The following SLFN11 variants were observed in gnomAD, a reference collection of about 807,000 sequenced individuals.
The protein encoded by SLFN11 is schlafen family member 11.
A neutral mutation model predicts 53.4 loss-of-function variants in SLFN11; 43 were observed. The observed-to-expected ratio is 0.80, with a 90% CI of 0.63 to 1.04. SLFN11 has a LOEUF of 1.04. Ranked by LOEUF, SLFN11 falls within the 50% of genes least tolerant of loss-of-function variation. The pLI, the probability that SLFN11 is intolerant of heterozygous loss-of-function variation, is 0.00. For missense variants in SLFN11, 990 were observed against 1,079.1 expected (o/e 0.92, Z 1.16); for synonymous variants, 389 against 394.7 (o/e 0.99, Z 0.17).
Position 35,362,868 on chromosome 17 carries a change from T to C in SLFN11, c.940A>G (p.Met314Val). 1 of 1,614,064 alleles carries C rather than the reference T, an allele frequency of 6.2e-7. No homozygotes were observed. Among genetic ancestry groups the C allele is most frequent in the Non-Finnish European group, 8.5e-7 (1 of 1,179,974 alleles). Reference protein sequence around the residue: ...KRGELYGYACMIRVNPFCCAV... With the variant: ...KRGELYGYACVIRVNPFCCAV... ...CAGCAGAAGGGATTTACTCTGATCA[T>C]GCAAGCATAGCCATAGAGCTCTCCC... The change falls in exon 4 of 7, where the codon ATG (methionine) becomes GTG (valine). Residue 314 changes from methionine (M) to valine (V), a missense_variant. This residue lies in a region of SLFN11 where 521 missense variants were observed against 516.2 expected (regional missense o/e 1.01). Transcript: ENST00000685675.
chr17:35,362,538 G>A (rs187866227), intron 4 of SLFN11, among the ~76,000 whole-genome samples: 1 of 152,190 alleles, frequency 6.6e-6, no homozygotes, highest in East Asian at 1.9e-4. Context: ...TAGAAAATTG[G>A]CCATTTATAG....
chr17:35,354,784 G>A (rs1907253525), intron 5 of SLFN11, among the ~76,000 whole-genome samples: 1 of 152,148 alleles, frequency 6.6e-6, no homozygotes, highest in South Asian at 2.1e-4. Flanking sequence ...TCCAAAGTGG[G>A]AGGGGGAGGA....
At position 35,353,729 on chromosome 17, in the gene SLFN11, A is replaced by C; in HGVS notation, c.1529T>G (p.Val510Gly). Residue 510 changes from valine to glycine, a missense_variant, in exon 6 of 7, where the codon GTC becomes GGC. Around this residue, in one of 3 missense-constraint regions of SLFN11, gnomAD observed 156 missense variants for 241.9 expected, o/e 0.64. Coordinates refer to ENST00000685675, the MANE Select transcript of SLFN11 (RefSeq NM_001376007.1). ...ACTCAGGCAGAGGACCTTGGCCCTG[A>C]CACACACCTTCCCGGTGTAGCCCCC... ...NMGGYTGKVCVRAKVLCLSPE... is the reference protein window; with the variant it reads ...NMGGYTGKVCGRAKVLCLSPE... The C allele has an allele frequency of 6.8e-7, 1 of 1,477,352 alleles. No homozygotes were observed. The highest frequency in any genetic ancestry group is 9.1e-7 in the Non-Finnish European group (1 of 1,100,950). The allele number at this position is 1,477,352 out of a possible 1,614,324, so 91.5% of individuals were successfully genotyped here. A position where few individuals can be genotyped will look rare whatever the true frequency, so the allele number is the denominator to read the frequency against.
rs1014376729 is a variant in SLFN11, at chr17:35,353,666, G to A, written c.1592C>T (p.Ser531Phe). Reference sequence around the variant, plus strand: ...ATAGGACGCAGGGTAATCCATCGGAGACACTGCAGCCTCCAAGGCCTCTGC... The same window carrying A: ...ATAGGACGCAGGGTAATCCATCGGAAACACTGCAGCCTCCAAGGCCTCTGC... ...SSAEALEAAV[S>F]PMDYPASYSL... is the part of the protein sequence containing the mutation. The change falls in exon 6 of 7, where the codon TCT becomes TTT. Residue 531 changes from serine (S) to phenylalanine (F), a missense_variant. This residue lies in a region of SLFN11 where 156 missense variants were observed against 241.9 expected (regional missense o/e 0.64). Coordinates refer to ENST00000685675, the MANE Select transcript of SLFN11 (RefSeq NM_001376007.1). The A allele has an allele frequency of 8.3e-7, 1 of 1,204,752 alleles. No homozygotes were observed. The highest frequency in any genetic ancestry group is 1.7e-5 in the African/African-American group (1 of 58,226). The allele number at this position is 1,204,752 out of a possible 1,614,324, so 74.6% of individuals were successfully genotyped here.
At position 35,352,834 on chromosome 17, in the gene SLFN11, T is replaced by C. The variant is rs1906895276; in HGVS notation, c.2228A>G (p.Lys743Arg). The change falls in exon 7 of 7, where the codon AAA (lysine) becomes AGA (arginine). Residue 743 changes from lysine (K) to arginine (R), a missense_variant. Physicochemically the swap from Lys to Arg is conservative, Grantham distance 26 (BLOSUM62 2). This residue lies in a region of SLFN11 where 313 missense variants were observed against 320.9 expected (regional missense o/e 0.98). Transcript: ENST00000685675. ...ATTACTTCTAATTACTTGCATTTCT[T>C]TTTGTAAGTACTTGGCTATTGGATC... ...NADPIAKYLQ[K>R]EMQVIRSNPS... 1 of 1,614,112 alleles carries C rather than the reference T, an allele frequency of 6.2e-7. No individual in the cohort carries two copies. The highest frequency in any genetic ancestry group is 1.3e-5 in the African/African-American group (1 of 74,940).
At chr17:35,357,910 A>ATATTTATATATCTATAAATAATATATAT (rs1271542936) in intron 5 of SLFN11, among the ~76,000 whole-genome samples, 3 of 146,284 alleles carry the variant, frequency 2.1e-5, no homozygotes, top group East Asian at 1.9e-4. Flanking sequence ...ATTATATATT[A>ATATTTATATATCTATAAATAATATATAT]TATTTATATA....
intron 4 of SLFN11, among the ~76,000 whole-genome samples, chr17:35,360,876 G>A (rs1237348569): frequency 6.6e-6 from 1 of 152,098 alleles, no homozygotes; most frequent in African/African-American, 2.4e-5. Flanking sequence ...AGACTGAAGT[G>A]AGAGGATCAC....
At chr17:35,364,073 G>A (rs1908633997) in intron 3 of SLFN11, among the ~76,000 whole-genome samples, 2 of 151,994 alleles carry the variant, frequency 1.3e-5, no homozygotes, top group African/African-American at 2.4e-5. Flanking sequence ...TGAAGATGAT[G>A]GTTCAAAAAG....
At chr17:35,364,821 A>C (rs1327627321) in intron 3 of SLFN11, among the ~76,000 whole-genome samples, 4 of 152,130 alleles carry the variant, frequency 2.6e-5, no homozygotes, top group Non-Finnish European at 4.4e-5. Context: ...ATCTATATTA[A>C]TTGTCCATTT....
rs534646260 is a variant in SLFN11 at position 35,357,680 on chromosome 17, A to G, written c.1198+2563T>C. ...GTAACTTTGGTCTAATTATATGACA[A>G]TACAACTCTTTTTATTATTTATATA... On this transcript the variant is annotated intron_variant, in intron 5 of 6. Transcript: ENST00000685675. 2.7e-3 allele frequency among the ~76,000 whole-genome samples: 393 copies of G among 146,906 alleles called. 3 individuals are homozygous for G. Among genetic ancestry groups the G allele is most frequent in the Middle Eastern group, 0.014 (4 of 278 alleles).
chr17:35,372,291 G>C (rs1334219183), intron 1 of SLFN11, among the ~76,000 whole-genome samples: 1 of 152,102 alleles, frequency 6.6e-6, no homozygotes, highest in East Asian at 1.9e-4. Context: ...TATTCTAAGA[G>C]CAGAAGGATG....
Position 35,363,775 on chromosome 17 carries a change from T to C in SLFN11, c.33A>G (p.Glu11=), listed in dbSNP as rs184812243. 1.3e-4 allele frequency: 209 copies of C among 1,595,638 alleles called. 3 individuals are homozygous for C. The highest frequency in any genetic ancestry group is 1.1e-3 in the Admixed American group (60 of 56,126). ...TGATGACCAGGTCTGGGTAAGATGG[T>C]TCCACAACCAGGGGGCACTGATTTG... MEANQCPLVV[E]PSYPDLVINV... Residue 11 remains glutamate, a synonymous_variant, in exon 4 of 7, where the codon GAA becomes GAG. Coordinates refer to ENST00000685675, the MANE Select transcript of SLFN11 (RefSeq NM_001376007.1).
At chr17:35,371,288 A>G (rs1431658559) in intron 1 of SLFN11, among the ~76,000 whole-genome samples, 1 of 152,048 alleles carries the variant, frequency 6.6e-6, no homozygotes, top group Non-Finnish European at 1.5e-5. Flanking sequence ...ATGAAACTAG[A>G]CTCCTAACTC....
chr17:35,368,182 A>G (rs1909205785), intron 1 of SLFN11, among the ~76,000 whole-genome samples: 1 of 151,952 alleles, frequency 6.6e-6, no homozygotes, highest in Non-Finnish European at 1.5e-5. Context: ...CATCTCCCCT[A>G]GATCACAGGG....
chr17:35,352,538 A>G lies in SLFN11; in HGVS notation c.2524T>C (p.Cys842Arg), dbSNP rs1413018350. 1 of 1,614,200 alleles carries G rather than the reference A, an allele frequency of 6.2e-7. No individual in the cohort carries two copies. Among genetic ancestry groups the G allele is most frequent in the Non-Finnish European group, 8.5e-7 (1 of 1,180,030 alleles). ...ACAATGTGATCACCCAACATATCAC[A>G]TGCATCACTGAGCTGCACCACCCTT... ...KKRVVQLSDA[C>R]DMLGDHIVLD... Residue 842 changes from cysteine (C) to arginine (R), a missense_variant, in exon 7 of 7, where the codon TGT becomes CGT. By Grantham distance (180) the Cys-to-Arg change is radical. Around this residue, in one of 3 missense-constraint regions of SLFN11, gnomAD observed 313 missense variants for 320.9 expected, o/e 0.98. Coordinates refer to ENST00000685675, the MANE Select transcript of SLFN11 (RefSeq NM_001376007.1).
chr17:35,371,480 T>C (rs1349610543), intron 1 of SLFN11, among the ~76,000 whole-genome samples: 1 of 151,906 alleles, frequency 6.6e-6, no homozygotes, highest in Non-Finnish European at 1.5e-5. Context: ...TGGGATCACA[T>C]CAAGTTAAAA....
intron 1 of SLFN11, among the ~76,000 whole-genome samples, chr17:35,370,663 G>C (rs1909532453): frequency 6.6e-6 from 1 of 151,876 alleles, no homozygotes; most frequent in Admixed American, 6.6e-5. Flanking sequence ...AAAATCAGTA[G>C]CATCTCTATA....
At position 35,357,139 on chromosome 17, in the gene SLFN11, CGTGTGTGTGTGTGTGT is replaced by C. The variant is rs35291259; in HGVS notation, c.1198+3088_1199-3081del. ...GACTATCCGTGTTGATTTTTCTGTG[CGTGTGTGTGTGTGTGT>C]GTGTGTGTGTGTGTGTGTGTGTCTG... is the stretch of plus-strand genomic sequence containing the variant. On this transcript the variant is annotated intron_variant, in intron 5 of 6. Transcript: ENST00000685675. Among the ~76,000 whole-genome samples, 90 of 142,926 alleles carry C rather than the reference CGTGTGTGTGTGTGTGT, an allele frequency of 6.3e-4. 1 individual carries two copies. The Middle Eastern group carries it at 0.014, about 23-fold the overall frequency. The allele number at this position is 142,926 out of a possible 152,430, so 93.8% of individuals were successfully genotyped here.
Position 35,363,283 on chromosome 17 carries a change from T to A in SLFN11, c.525A>T (p.Gln175His). ...PFHKIHKGVY[Q>H]ELPNSDPADP... Reference sequence around the variant, plus strand: ...CAGCAGGATCCGAGTTAGGGAGCTCTTGGTATACACCCTTGTGAATTTTGT... The same window carrying A: ...CAGCAGGATCCGAGTTAGGGAGCTCATGGTATACACCCTTGTGAATTTTGT... Residue 175 changes from glutamine (Q) to histidine (H), a missense_variant, in exon 4 of 7, where the codon CAA becomes CAT. Physicochemically the swap from Gln to His is conservative, Grantham distance 24. Coordinates refer to ENST00000685675, the MANE Select transcript of SLFN11 (RefSeq NM_001376007.1). 6.2e-7 allele frequency: 1 copy of A among 1,614,078 alleles called. No homozygotes were observed. Among genetic ancestry groups the A allele is most frequent in the East Asian group, 2.2e-5 (1 of 44,888 alleles).
Sources: gnomAD v4.1 joint callset for allele counts (sites outside exome capture counted in the v4.1 genomes callset) on GRCh38, gnomAD v4.1.1 for gene constraint, gnomAD v4.1.1 regional missense constraint, MANE v1.5 for transcripts, NCBI Gene and HGNC (gene_info 2026-07-23, HGNC 2026-07-21) for gene names.